EXOC4: variants seen among roughly 807,000 people sequenced by gnomAD.
EXOC4 encodes exocyst complex component 4.
EXOC4 carries 71 observed loss-of-function variants against 107.2 expected under a neutral mutation model. The observed-to-expected ratio is 0.66, with a 90% CI of 0.55 to 0.81. EXOC4 has a LOEUF of 0.81. EXOC4 is among the 30% of genes least tolerant of loss of function. The probability of loss-of-function intolerance (pLI) is 0.00; values close to 1 mark genes in which losing one functional copy is unlikely to be tolerated. For missense variants in EXOC4, 1,108 were observed against 1,189.6 expected (o/e 0.93, Z 1.01); for synonymous variants, 456 against 441.2 (o/e 1.03, Z -0.42).
chr7:133,727,756 A>C (rs1468947690), intron 10 of EXOC4: 3 of 152,428 alleles, frequency 2.0e-5, no homozygotes, highest in African/African-American at 7.2e-5. Context: ...CACAACAAGC[A>C]GCAGTACCTC....
At chr7:133,784,044 T>C (rs1204734058) in intron 10 of EXOC4, among the ~76,000 whole-genome samples, 1 of 152,200 alleles carries the variant, frequency 6.6e-6, no homozygotes, top group East Asian at 1.9e-4. Flanking sequence ...GTTTTAACTA[T>C]CTTTCCATTT....
chr7:133,621,616 A>G (rs990152741), intron 9 of EXOC4, among the ~76,000 whole-genome samples: 3 of 152,180 alleles, frequency 2.0e-5, no homozygotes, highest in African/African-American at 2.4e-5. Context: ...GTACTCCTAA[A>G]TTTAGATTCT....
intron 7 of EXOC4, among the ~76,000 whole-genome samples, chr7:133,453,885 T>G (rs1798405220): frequency 6.6e-6 from 1 of 152,110 alleles, no homozygotes; most frequent in Non-Finnish European, 1.5e-5. Flanking sequence ...TCTTTGTATA[T>G]AAAAAATGCT....
chr7:133,484,742 T>G (rs1031191245), intron 9 of EXOC4, among the ~76,000 whole-genome samples: 1 of 152,068 alleles, frequency 6.6e-6, no homozygotes, highest in African/African-American at 2.4e-5. Flanking sequence ...ATTAGAAACA[T>G]TAGATTAGCA....
chr7:133,667,495 G>T (rs1163049379), intron 10 of EXOC4, among the ~76,000 whole-genome samples: 4 of 152,202 alleles, frequency 2.6e-5, no homozygotes, highest in Non-Finnish European at 4.4e-5. Flanking sequence ...TATGGACACT[G>T]CTGGGAAGCA....
At chr7:133,269,305 T>C (rs1347217153) in intron 1 of EXOC4, among the ~76,000 whole-genome samples, 1 of 152,190 alleles carries the variant, frequency 6.6e-6, no homozygotes, top group Non-Finnish European at 1.5e-5. Context: ...GTAACATGTA[T>C]AGTAGAAAGA....
At chr7:133,777,387 G>A (rs576775495) in intron 10 of EXOC4, among the ~76,000 whole-genome samples, 95 of 152,032 alleles carry the variant, frequency 6.2e-4, no homozygotes, top group Middle Eastern at 3.4e-3. Context: ...ATCAGGAAAC[G>A]TTGTTACTGA....
intron 17 of EXOC4, among the ~76,000 whole-genome samples, chr7:134,057,557 T>C (rs1366917577): frequency 6.6e-6 from 1 of 152,178 alleles, no homozygotes; most frequent in Admixed American, 6.5e-5. Flanking sequence ...GGAATACAAA[T>C]AAGAGCAATT....
In EXOC4 at chr7:134,060,707, C is replaced by T. The variant is rs1410416032; in HGVS notation, c.2688-3584C>T. ...TTCTCTTTAGGACACCTGGTAGCAC[C>T]CTTTCCCCACCTCCAGGTGAAACTG... On this transcript the variant is annotated intron_variant, in intron 17 of 17. Coordinates refer to ENST00000253861, the MANE Select transcript of EXOC4 (RefSeq NM_021807.4). Among the ~76,000 whole-genome samples, 8 of 152,062 alleles carry T rather than the reference C, an allele frequency of 5.3e-5. No homozygotes were observed. In the East Asian group the frequency reaches 1.5e-3, roughly 29 times the overall value.
intron 17 of EXOC4, among the ~76,000 whole-genome samples, chr7:134,051,203 C>T (rs1245232464): frequency 6.6e-6 from 1 of 152,276 alleles, no homozygotes; most frequent in East Asian, 1.9e-4. Flanking sequence ...GAAACCAGAT[C>T]TTGAGAAAGA....
chr7:133,282,226 C>T (rs1794173784), intron 2 of EXOC4, among the ~76,000 whole-genome samples: 1 of 152,188 alleles, frequency 6.6e-6, no homozygotes, highest in Non-Finnish European at 1.5e-5. Flanking sequence ...CATTTCTATT[C>T]ACAGTAGCCT....
intron 12 of EXOC4, among the ~76,000 whole-genome samples, chr7:133,904,405 A>G (rs1380351326): frequency 6.6e-6 from 1 of 152,102 alleles, no homozygotes; most frequent in Non-Finnish European, 1.5e-5. Context: ...TGTCATTCAT[A>G]TTTTACCGCT....
chr7:133,449,352 A>G (rs996322592), intron 7 of EXOC4, among the ~76,000 whole-genome samples: 6 of 152,166 alleles, frequency 3.9e-5, no homozygotes, highest in Non-Finnish European at 7.3e-5. Context: ...ACTGCAAGAG[A>G]ATACATTTCT....
At chr7:133,288,517 C>A (rs923812963) in intron 2 of EXOC4, among the ~76,000 whole-genome samples, 1 of 152,096 alleles carries the variant, frequency 6.6e-6, no homozygotes, top group East Asian at 1.9e-4. Context: ...AAGCTTGGAC[C>A]AAGTGACCTA....
intron 10 of EXOC4, among the ~76,000 whole-genome samples, chr7:133,752,704 G>T (rs1795819570): frequency 6.6e-6 from 1 of 152,206 alleles, no homozygotes; most frequent in Non-Finnish European, 1.5e-5. Context: ...AACAGAAGCA[G>T]CAAGTAGAAA....
At chr7:133,739,652 C>T (rs1277164593) in intron 10 of EXOC4, among the ~76,000 whole-genome samples, 2 of 152,198 alleles carry the variant, frequency 1.3e-5, no homozygotes, top group African/African-American at 4.8e-5. Flanking sequence ...AACAGACTGG[C>T]TACTGCTTTA....
intron 7 of EXOC4, among the ~76,000 whole-genome samples, chr7:133,461,689 A>G (rs927452426): frequency 1.3e-5 from 2 of 152,146 alleles, no homozygotes; most frequent in East Asian, 3.9e-4. Context: ...ATGTAAGTAA[A>G]TTAATGTACC....
chr7:133,258,700 C>T (rs1795073055), intron 1 of EXOC4, among the ~76,000 whole-genome samples: 1 of 152,078 alleles, frequency 6.6e-6, no homozygotes, highest in African/African-American at 2.4e-5. Context: ...TGTTAATTTT[C>T]CACCAGAAAT....
At chr7:133,755,273 T>TAA (rs1795885431) in intron 10 of EXOC4, among the ~76,000 whole-genome samples, 1 of 103,734 alleles carries the variant, frequency 9.6e-6, no homozygotes, top group African/African-American at 4.0e-5. Context: ...ATTATATATA[T>TAA]TATATATATT....
Sources: gnomAD v4.1 joint callset for allele counts (sites outside exome capture counted in the v4.1 genomes callset) on GRCh38, gnomAD v4.1.1 for gene constraint, MANE v1.5 for transcripts, NCBI Gene and HGNC (gene_info 2026-07-23, HGNC 2026-07-21) for gene names.